The following DNAH14 variants were observed in gnomAD, a reference collection of about 807,000 sequenced individuals.
DNAH14 encodes the protein dynein axonemal heavy chain 14, also known as axonemal beta dynein heavy chain 14.
In DNAH14, 478 loss-of-function variants were observed where a neutral mutation model predicts 520.9. That is an observed-to-expected ratio of 0.92 (90% CI 0.85 to 0.99). DNAH14 has a LOEUF of 0.99. Among genes scored for constraint, DNAH14 ranks in the 50% least tolerant of loss-of-function variants. The probability of loss-of-function intolerance (pLI) is 0.00; values close to 1 mark genes in which losing one functional copy is unlikely to be tolerated. For synonymous variants in DNAH14, 1,581 were observed against 1,757.2 expected (o/e 0.90, Z 2.51); for missense variants, 4,831 against 5,234.5 (o/e 0.92, Z 2.38).
intron 10 of DNAH14, among the ~76,000 whole-genome samples, chr1:225,019,954 AAAAC>A (rs2065530595): frequency 6.6e-6 from 1 of 152,114 alleles, no homozygotes; most frequent in Non-Finnish European, 1.5e-5. Context: ...AGGAACCAGA[AAAAC>A]AAGAGAAAAC....
intron 17 of DNAH14, among the ~76,000 whole-genome samples, chr1:225,058,081 A>G (rs1317118485): frequency 1.3e-5 from 2 of 152,052 alleles, no homozygotes; most frequent in East Asian, 1.9e-4. Flanking sequence ...TTTTCTGTTG[A>G]TTGGAATACT....
intron 84 of DNAH14, chr1:225,396,737 T>C (rs539811009): frequency 1.7e-4 from 26 of 152,354 alleles, no homozygotes; most frequent in Non-Finnish European, 5.9e-5. Flanking sequence ...CCATTTATTC[T>C]GAGTGGCTCT....
chr1:224,937,447 C>T (rs1220580754), intron 1 of DNAH14, among the ~76,000 whole-genome samples: 1 of 151,936 alleles, frequency 6.6e-6, no homozygotes, highest in Non-Finnish European at 1.5e-5. Flanking sequence ...AAAGGAATCT[C>T]ATTTACAGTA....
chr1:225,079,916 A>G (rs768854752), intron 18 of DNAH14, among the ~76,000 whole-genome samples: 1 of 151,282 alleles, frequency 6.6e-6, no homozygotes, highest in Non-Finnish European at 1.5e-5. Context: ...CTCGTGATCC[A>G]CTCGCCTCAG....
intron 60 of DNAH14, among the ~76,000 whole-genome samples, chr1:225,312,868 C>G (rs1008406164): frequency 6.6e-6 from 1 of 152,212 alleles, no homozygotes; most frequent in Non-Finnish European, 1.5e-5. Context: ...ACGATTTTCA[C>G]ATCAATGTTC....
chr1:225,366,388 A>G (rs1348345177), intron 76 of DNAH14, among the ~76,000 whole-genome samples: 1 of 152,174 alleles, frequency 6.6e-6, no homozygotes, highest in Non-Finnish European at 1.5e-5. Flanking sequence ...AAAAATCAAA[A>G]TTAACACACA....
At chr1:225,026,140 T>C (rs1164959234) in intron 11 of DNAH14, among the ~76,000 whole-genome samples, 1 of 152,056 alleles carries the variant, frequency 6.6e-6, no homozygotes, top group Non-Finnish European at 1.5e-5. Context: ...AAGTTATTTG[T>C]CTTTTGATTG....
chr1:225,338,110 A>G lies in DNAH14; in HGVS notation c.10361A>G (p.Asp3454Gly), dbSNP rs1216737227. ...GGCTTAAAGGCAATTCTGAAAAAGG[A>G]TATCTATCAGAAAAAAGGACACTAT... ...APGLKAILKK[D>G]IYQKKGHYFI... The change falls in exon 68 of 86, where the codon GAT becomes GGT. Residue 3454 changes from aspartate to glycine, a missense_variant. Transcript: ENST00000682510. The G allele has an allele frequency of 1.8e-5, 28 of 1,551,406 alleles. No individual in the cohort carries two copies. The highest frequency in any genetic ancestry group is 2.2e-5 in the Non-Finnish European group (25 of 1,146,888).
At chr1:224,933,054 T>C (rs1308291814) in intron 1 of DNAH14, among the ~76,000 whole-genome samples, 2 of 152,158 alleles carry the variant, frequency 1.3e-5, no homozygotes, top group Non-Finnish European at 2.9e-5. Flanking sequence ...ATTCTTCCTA[T>C]CCATGAGCAT....
intron 36 of DNAH14, among the ~76,000 whole-genome samples, chr1:225,175,515 ATGTGAGTCTTTTAT>A (rs372013429): frequency 1.1e-4 from 17 of 151,696 alleles, no homozygotes; most frequent in African/African-American, 4.1e-4. Context: ...GATTTTATTT[ATGTGAGTCTTTTAT>A]TGTTAGTCTA....
chr1:225,139,221 T>A (rs943340492), intron 27 of DNAH14, among the ~76,000 whole-genome samples: 2 of 152,186 alleles, frequency 1.3e-5, no homozygotes, highest in African/African-American at 4.8e-5. Flanking sequence ...GTGACAAAAT[T>A]ATAATGAATC....
chr1:224,993,884 T>A (rs2063217905), intron 8 of DNAH14, among the ~76,000 whole-genome samples: 1 of 152,100 alleles, frequency 6.6e-6, no homozygotes, highest in African/African-American at 2.4e-5. Context: ...TGCATTTCTA[T>A]TTTTGTTTGT....
chr1:225,364,880 A>C lies in DNAH14; in HGVS notation c.12076A>C (p.Lys4026Gln). ...SYSSFPIPVL[K>Q]KGLKIAVESP... ...CAGTTCTTTTCCAATTCCTGTTCTT[A>C]AAAAGGGTTTAAAGGTAAGAACAAA... Residue 4026 changes from lysine (K) to glutamine (Q), a missense_variant, in exon 76 of 86, where the codon AAA becomes CAA. By Grantham distance (53) the Lys-to-Gln change is moderately conservative (BLOSUM62 1). Transcript: ENST00000682510. 6.5e-7 allele frequency: 1 copy of C among 1,546,346 alleles called. No homozygotes were observed. Among genetic ancestry groups the C allele is most frequent in the Non-Finnish European group, 8.7e-7 (1 of 1,144,804 alleles).
intron 41 of DNAH14, among the ~76,000 whole-genome samples, chr1:225,225,300 A>G (rs369348067): frequency 6.6e-6 from 1 of 152,324 alleles, no homozygotes; most frequent in East Asian, 1.9e-4. Flanking sequence ...ACATATGTAC[A>G]TGTATTCATT....
At chr1:224,955,800 A>G (rs987048661) in intron 3 of DNAH14, among the ~76,000 whole-genome samples, 1 of 152,124 alleles carries the variant, frequency 6.6e-6, no homozygotes, top group Non-Finnish European at 1.5e-5. Context: ...TTGTCAGCAC[A>G]TAAACATGCC....
intron 81 of DNAH14, among the ~76,000 whole-genome samples, chr1:225,386,866 G>C (rs1018263226): frequency 7.2e-5 from 11 of 152,214 alleles, no homozygotes; most frequent in Admixed American, 3.3e-4. Flanking sequence ...ATTTGACCCA[G>C]CCATCCCATT....
intron 32 of DNAH14, 64 bp downstream of exon 32, chr1:225,152,137 A>G: frequency 7.2e-7 from 1 of 1,394,678 alleles, no homozygotes; most frequent in Non-Finnish European, 9.7e-7. Context: ...AATCTTATCT[A>G]CAGATGGAGT....
intron 84 of DNAH14, among the ~76,000 whole-genome samples, chr1:225,394,858 A>C (rs2095983950): frequency 6.6e-6 from 1 of 151,934 alleles, no homozygotes; most frequent in South Asian, 2.1e-4. Flanking sequence ...AAAAAAAAAA[A>C]AGGAGAATTG....
intron 3 of DNAH14, among the ~76,000 whole-genome samples, chr1:224,955,689 A>G: frequency 6.6e-6 from 1 of 152,092 alleles, no homozygotes; most frequent in East Asian, 1.9e-4. Context: ...TCTCCTTTAA[A>G]GTAAATCCCA....
Sources: allele counts gnomAD v4.1 joint callset (sites outside exome capture counted in the v4.1 genomes callset), GRCh38; gene constraint gnomAD v4.1.1; transcripts MANE v1.5; gene names NCBI Gene and HGNC (gene_info 2026-07-23, HGNC 2026-07-21).